FDXACB1: variants seen among roughly 807,000 people sequenced by gnomAD.
FDXACB1 encodes the protein ferredoxin-fold anticodon-binding domain-containing protein 1.
Under a neutral mutation model 51.7 loss-of-function variants are expected in FDXACB1, and 41 were observed. The ratio of observed to expected loss-of-function variants is 0.79; its 90% CI spans 0.62 to 1.03. The LOEUF is 1.03. Ranked by LOEUF, FDXACB1 falls within the 50% of genes least tolerant of loss-of-function variation. FDXACB1 has a pLI of 0.00. For missense variants in FDXACB1, 697 were observed against 746.4 expected (o/e 0.93, Z 0.77); for synonymous variants, 273 against 278.6 (o/e 0.98, Z 0.20).
chr11:111,875,032 T>C lies in FDXACB1; in HGVS notation c.1765A>G (p.Arg589Gly), dbSNP rs943256741. ...TTGTCACAGGTCTGGTAGGTCAATCTATAGCAGAGACTGACCTGTTGAGTC... is the reference window on the plus strand; with the variant it reads ...TTGTCACAGGTCTGGTAGGTCAATCCATAGCAGAGACTGACCTGTTGAGTC... ...PKTQQVSLCY[R>G]LTYQTCDKAL... Residue 589 changes from arginine to glycine, a missense_variant, in exon 5 of 5, where the codon AGA (arginine) becomes GGA (glycine). By Grantham distance (125) the Arg-to-Gly change is moderately radical (BLOSUM62 -2). Coordinates refer to ENST00000260257, the MANE Select transcript of FDXACB1 (RefSeq NM_138378.3). The C allele has an allele frequency of 1.9e-6, 3 of 1,613,888 alleles. No homozygotes were observed. Among genetic ancestry groups the C allele is most frequent in the Non-Finnish European group, 1.7e-6 (2 of 1,179,896 alleles).
intron 2 of FDXACB1, among the ~76,000 whole-genome samples, chr11:111,877,424 C>T (rs908641484): frequency 1.3e-5 from 2 of 152,004 alleles, no homozygotes; most frequent in African/African-American, 4.8e-5. Context: ...TATGCCCCAT[C>T]GGACACCTCC....
At position 111,875,021 on chromosome 11, in the gene FDXACB1, G is replaced by A. The variant is rs267602689; in HGVS notation, c.1776C>T (p.Tyr592=). The A allele has an allele frequency of 6.2e-7, 1 of 1,613,948 alleles. No homozygotes were observed. Among genetic ancestry groups the A allele is most frequent in the African/African-American group, 1.3e-5 (1 of 75,028 alleles). ...GGGTGAGGGCCTTGTCACAGGTCTG[G>A]TAGGTCAATCTATAGCAGAGACTGA... The part of the protein sequence containing the change: ...QQVSLCYRLT[Y]QTCDKALTQQ... The change falls in exon 5 of 5, where the codon TAC becomes TAT. Residue 592 remains tyrosine (Y), a synonymous_variant. Transcript: ENST00000260257.
At chr11:111,878,842 A>C (rs558347964) in intron 1 of FDXACB1, 119 bp downstream of exon 1, 314 of 1,510,436 alleles carry the variant, frequency 2.1e-4, no homozygotes, top group Admixed American at 5.5e-4. Flanking sequence ...CTTTATGTGA[A>C]TATCCGTGGG....
At chr11:111,877,314 C>T (rs1226214682) in intron 2 of FDXACB1, among the ~76,000 whole-genome samples, 2 of 152,174 alleles carry the variant, frequency 1.3e-5, no homozygotes, top group Non-Finnish European at 2.9e-5. Flanking sequence ...TGATTCATTG[C>T]TTAGGCTGTT....
Position 111,875,086 on chromosome 11 carries a change from G to A in FDXACB1, c.1711C>T (p.Gln571Ter). 1.2e-6 allele frequency: 2 copies of A among 1,613,914 alleles called. No individual in the cohort carries two copies. The highest frequency in any genetic ancestry group is 1.3e-5 in the African/African-American group (1 of 75,028). Residue 571 changes from glutamine (Q) to a stop codon, truncating the protein, a stop_gained, in exon 5 of 5, where the codon CAG becomes TAG. Transcript: ENST00000260257. LOFTEE classifies it high-confidence loss of function. ...AVSQDTIISIQFLSRFQHPKT... is the reference protein window; with the variant it reads ...AVSQDTIISI ...GGATGCTGGAAACGGCTAAGAAACT[G>A]TATGGATATAATAGTGTCCTGAGAC...
rs782169934 is a variant in FDXACB1 at position 111,878,966 on chromosome 11, T to C, written c.167A>G (p.Glu56Gly). 2 of 1,592,856 alleles carry C rather than the reference T, an allele frequency of 1.3e-6. No homozygotes were observed. Among genetic ancestry groups the C allele is most frequent in the South Asian group, 2.3e-5 (2 of 88,780 alleles). ...CAGAGGGGCGGGCTCGCTACCTCGCTCGCGCAGGCACTGCAGATTCTCCCA... is the reference window on the plus strand; with the variant it reads ...CAGAGGGGCGGGCTCGCTACCTCGCCCGCGCAGGCACTGCAGATTCTCCCA... ...LAWENLQCLRERGIDVRFGVD... is the reference protein window; with the variant it reads ...LAWENLQCLRGRGIDVRFGVD... Residue 56 changes from glutamate (E) to glycine (G), a missense_variant, in exon 1 of 5, where the codon GAG becomes GGG. This residue lies in a region of FDXACB1 where 153 missense variants were observed against 133.5 expected (regional missense o/e 1.15). Coordinates refer to ENST00000260257, the MANE Select transcript of FDXACB1 (RefSeq NM_138378.3).
chr11:111,874,886 A>C lies in FDXACB1; in HGVS notation c.*36T>G, dbSNP rs782434220. ...GGTAATTTTCCTCCACATCCCCCGCAATGAAGGATCACACTGCAGAAAAGG... is the reference window on the plus strand; with the variant it reads ...GGTAATTTTCCTCCACATCCCCCGCCATGAAGGATCACACTGCAGAAAAGG... On this transcript the variant is annotated 3_prime_UTR_variant, in exon 5 of 5. Coordinates refer to ENST00000260257, the MANE Select transcript of FDXACB1 (RefSeq NM_138378.3). 6 of 1,576,498 alleles carry C rather than the reference A, an allele frequency of 3.8e-6. No homozygotes were observed. Among genetic ancestry groups the C allele is most frequent in the Admixed American group, 1.8e-5 (1 of 56,754 alleles).
Position 111,876,032 on chromosome 11 carries a change from T to G in FDXACB1, c.765A>C (p.Lys255Asn). 6.2e-7 allele frequency: 1 copy of G among 1,613,914 alleles called. No homozygotes were observed. Among genetic ancestry groups the G allele is most frequent in the South Asian group, 1.1e-5 (1 of 91,078 alleles). Residue 255 changes from lysine (K) to asparagine (N), a missense_variant, in exon 5 of 5, where the codon AAA becomes AAC. Physicochemically the swap from Lys to Asn is moderately conservative, Grantham distance 94. This residue lies in a region of FDXACB1 where 538 missense variants were observed against 592.2 expected (regional missense o/e 0.91). Coordinates refer to ENST00000260257, the MANE Select transcript of FDXACB1 (RefSeq NM_138378.3). Reference protein sequence around the residue: ...INEKLIAELGKVFPLKRLKCS... With the variant: ...INEKLIAELGNVFPLKRLKCS... ...ACTTCAGCCTTTTTAGCGGGAAAAC[T>G]TTGCCTAATTCAGCAATGAGTTTCT...
At chr11:111,876,215 T>G in intron 4 of FDXACB1, 111 bp from the exon 5 acceptor site, 1 of 1,057,850 alleles carries the variant, frequency 9.5e-7, no homozygotes, top group Non-Finnish European at 1.3e-6. Context: ...ATCTTTAAAT[T>G]GATCTTGAAA....
At position 111,879,159 on chromosome 11, in the gene FDXACB1, T is replaced by C; in HGVS notation, c.-27A>G. ...GCCTCCACGGACTCCCGGCTCGCGT[T>C]CTCTGTGGCGCTCGTTTTACGTCAC... On this transcript the variant is annotated 5_prime_UTR_variant, in exon 1 of 5. Coordinates refer to ENST00000260257, the MANE Select transcript of FDXACB1 (RefSeq NM_138378.3). 6.3e-7 allele frequency: 1 copy of C among 1,589,964 alleles called. No individual in the cohort carries two copies. Among genetic ancestry groups the C allele is most frequent in the African/African-American group, 1.4e-5 (1 of 73,442 alleles).
rs544142953 is a variant in FDXACB1, at chr11:111,875,034, T to C, written c.1763A>G (p.Tyr588Cys). ...HPKTQQVSLC[Y>C]RLTYQTCDKA... Reference sequence around the variant, plus strand: ...GTCACAGGTCTGGTAGGTCAATCTATAGCAGAGACTGACCTGTTGAGTCTT... The same window carrying C: ...GTCACAGGTCTGGTAGGTCAATCTACAGCAGAGACTGACCTGTTGAGTCTT... The change falls in exon 5 of 5, where the codon TAT becomes TGT. Residue 588 changes from tyrosine (Y) to cysteine (C), a missense_variant. Physicochemically the swap from Tyr to Cys is radical, Grantham distance 194. Coordinates refer to ENST00000260257, the MANE Select transcript of FDXACB1 (RefSeq NM_138378.3). 8 of 1,613,956 alleles carry C rather than the reference T, an allele frequency of 5.0e-6. No homozygotes were observed. The Admixed American group carries it at 1.3e-4, about 27-fold the overall frequency.
intron 2 of FDXACB1, 120 bp downstream of exon 2, chr11:111,878,436 G>T: frequency 1.8e-6 from 2 of 1,122,278 alleles, no homozygotes; most frequent in Middle Eastern, 2.1e-4. Context: ...GTTCCTTTGG[G>T]GCTTTATAGT....
In FDXACB1 at chr11:111,875,601, AC is replaced by A; in HGVS notation, c.1195del (p.Val399LeufsTer5). The A allele has an allele frequency of 6.2e-7, 1 of 1,612,502 alleles. No homozygotes were observed. Among genetic ancestry groups the A allele is most frequent in the Non-Finnish European group, 8.5e-7 (1 of 1,179,700 alleles). ...AFHETLFILG[V>X]NQNLKDGCLQ... is the part of the protein sequence containing the mutation. ...ACAGCCATCCTTCAGATTTTGATTA[AC>A]CCCAAGGATAAATAAAGTTTCATGA... On this transcript the variant is annotated frameshift_variant, in exon 5 of 5. Coordinates refer to ENST00000260257, the MANE Select transcript of FDXACB1 (RefSeq NM_138378.3). LOFTEE classifies it high-confidence loss of function.
At position 111,875,947 on chromosome 11, in the gene FDXACB1, A is replaced by C. The variant is rs782812093; in HGVS notation, c.850T>G (p.Phe284Val). The C allele has an allele frequency of 1.2e-4, 196 of 1,613,874 alleles. 2 individuals carry two copies. The Admixed American group carries it at 2.3e-3, about 19-fold the overall frequency. Reference sequence around the variant, plus strand: ...CTAATCCAAAAAGCAGCTGACAGAAAGTCACAATTCCAGAAAGGAAGAACA... The same window carrying C: ...CTAATCCAAAAAGCAGCTGACAGAACGTCACAATTCCAGAAAGGAAGAACA... ...TSVLPFWNCD[F>V]LSAAFWISLH... Residue 284 changes from phenylalanine (F) to valine (V), a missense_variant, in exon 5 of 5, where the codon TTT (phenylalanine) becomes GTT (valine). By Grantham distance (50) the Phe-to-Val change is conservative (BLOSUM62 -1). Coordinates refer to ENST00000260257, the MANE Select transcript of FDXACB1 (RefSeq NM_138378.3).
chr11:111,877,006 G>C lies in FDXACB1; in HGVS notation c.335C>G (p.Ala112Gly). ...TTCTCCTTCCTCTGCAAGAACGTCT[G>C]CACAGCTAATAGGGAGAAAAGAAAC... ...ELLAKFFQSC[A>G]DVLAEEGEVH... is the part of the protein sequence containing the mutation. Residue 112 changes from alanine to glycine, a missense_variant, in exon 3 of 5, where the codon GCA becomes GGA. By Grantham distance (60) the Ala-to-Gly change is moderately conservative. Transcript: ENST00000260257. 3 of 1,579,532 alleles carry C rather than the reference G, an allele frequency of 1.9e-6. No individual in the cohort carries two copies. Among genetic ancestry groups the C allele is most frequent in the Non-Finnish European group, 2.6e-6 (3 of 1,161,496 alleles).
intron 2 of FDXACB1, among the ~76,000 whole-genome samples, chr11:111,877,798 T>G (rs1450380439): frequency 6.6e-6 from 1 of 151,804 alleles, no homozygotes; most frequent in Admixed American, 6.6e-5. Context: ...ATTACAGGCA[T>G]GAGCCACCAC....
intron 3 of FDXACB1, 59 bp from the exon 4 acceptor site, chr11:111,876,698 G>A: frequency 1.3e-6 from 2 of 1,591,610 alleles, no homozygotes; most frequent in Non-Finnish European, 1.7e-6. Context: ...AGTATTTTTA[G>A]AGACCGAATC....
rs200159530 is a variant in FDXACB1 at position 111,878,785 on chromosome 11, CCTAA to C, written c.173-77_173-74del. The C allele has an allele frequency of 5.0e-4, 768 of 1,538,392 alleles. 3 individuals carry two copies. The East Asian group carries it at 6.6e-3, about 13-fold the overall frequency. Reference sequence around the variant, plus strand: ...CAAGACATGGAACAGAAAAACTCTTCCTAACTTAAACCGTGCAGACCAGCCCAAG... The same window carrying C: ...CAAGACATGGAACAGAAAAACTCTTCCTTAAACCGTGCAGACCAGCCCAAG... On this transcript the variant is annotated intron_variant, in intron 1 of 4. Transcript: ENST00000260257.
rs1555162089 is a variant in FDXACB1, at chr11:111,875,991, A to G, written c.806T>C (p.Leu269Pro). The G allele has an allele frequency of 6.2e-6, 10 of 1,613,900 alleles. No homozygotes were observed. The Admixed American group carries it at 1.5e-4, about 24-fold the overall frequency. Reference protein sequence around the residue: ...LKRLKCSYPLLPQEGTSVLPF... With the variant: ...LKRLKCSYPLPPQEGTSVLPF... ...AAGAACACTGGTACCTTCCTGTGGC[A>G]GCAAAGGGTAGGAACACTTCAGCCT... Residue 269 changes from leucine to proline, a missense_variant, in exon 5 of 5, where the codon CTG becomes CCG. Around this residue, in one of 3 missense-constraint regions of FDXACB1, gnomAD observed 538 missense variants for 592.2 expected, o/e 0.91. Transcript: ENST00000260257.
Sources: gnomAD v4.1 joint callset for allele counts (sites outside exome capture counted in the v4.1 genomes callset) on GRCh38, gnomAD v4.1.1 for gene constraint, gnomAD v4.1.1 regional missense constraint, MANE v1.5 for transcripts, NCBI Gene and HGNC (gene_info 2026-07-23, HGNC 2026-07-21) for gene names.